Variants in BCKDHB observed in about 807,000 individuals in gnomAD.
BCKDHB encodes the protein 2-oxoisovalerate dehydrogenase subunit beta, mitochondrial.
Under a neutral mutation model 48.5 loss-of-function variants are expected in BCKDHB, and 41 were observed. The observed-to-expected ratio is 0.85, with a 90% CI of 0.66 to 1.10. The LOEUF (loss-of-function observed/expected upper bound fraction) is 1.10, where lower values mean the gene tolerates loss of function less well. Among genes scored for constraint, BCKDHB ranks in the 50% least tolerant of loss-of-function variants. The pLI, the probability that BCKDHB is intolerant of heterozygous loss-of-function variation, is 0.00. For synonymous variants in BCKDHB, 201 were observed against 174.8 expected, an observed-to-expected ratio of 1.15 and a Z score of -1.18; for missense variants, 496 against 494.2, an observed-to-expected ratio of 1.00 and a Z score of -0.03.
chr6:80,287,819 G>A (rs1184986295), intron 9 of BCKDHB, among the ~76,000 whole-genome samples: 10 of 152,270 alleles, frequency 6.6e-5, no homozygotes, highest in South Asian at 6.2e-4. Flanking sequence ...CCCTGTGCAC[G>A]TTCCCTTATC....
the BCKDHB span, among the ~76,000 whole-genome samples, chr6:80,372,253 T>G: frequency 6.6e-6 from 1 of 152,260 alleles, no homozygotes; most frequent in South Asian, 2.1e-4. Flanking sequence ...GTTCTTGATT[T>G]GATTCTCAGC....
At chr6:80,313,654 C>T (rs1280056553) in intron 9 of BCKDHB, among the ~76,000 whole-genome samples, 1 of 152,214 alleles carries the variant, frequency 6.6e-6, no homozygotes, top group Admixed American at 6.5e-5. Flanking sequence ...AGCCACCACA[C>T]CTGGCCTGAG....
At chr6:80,437,557 A>G in the BCKDHB span, among the ~76,000 whole-genome samples, 1 of 152,364 alleles carries the variant, frequency 6.6e-6, no homozygotes, top group Middle Eastern at 3.4e-3. Flanking sequence ...CAAGTTTAGC[A>G]ACAGGGAAGC....
chr6:80,359,214 G>A, the BCKDHB span, among the ~76,000 whole-genome samples: 3 of 152,186 alleles, frequency 2.0e-5, no homozygotes, highest in Admixed American at 6.5e-5. Flanking sequence ...CAGCCTCTCC[G>A]GAGGCAGAGC....
Position 80,106,699 on chromosome 6 carries a change from G to A in BCKDHB, c.6G>A (p.Ala2=), listed in dbSNP as rs2127698622. Residue 2 remains alanine (A), a synonymous_variant, in exon 1 of 10, where the codon GCG becomes GCA. Transcript: ENST00000320393. The part of the protein sequence containing the change: M[A]VVAAAAGWLL... Reference sequence around the variant, plus strand: ...AATCCCGGTGGTGAGCGGGGATGGCGGTTGTAGCGGCGGCTGCCGGCTGGC... The same window carrying A: ...AATCCCGGTGGTGAGCGGGGATGGCAGTTGTAGCGGCGGCTGCCGGCTGGC... The A allele has an allele frequency of 1.3e-6, 2 of 1,556,218 alleles. No individual in the cohort carries two copies. Among genetic ancestry groups the A allele is most frequent in the Non-Finnish European group, 1.7e-6 (2 of 1,150,628 alleles).
chr6:80,355,165 TTAGG>T, the BCKDHB span, among the ~76,000 whole-genome samples: 2 of 151,858 alleles, frequency 1.3e-5, no homozygotes, highest in African/African-American at 4.8e-5. Flanking sequence ...TCATCTACAA[TTAGG>T]TAGGCAGATC....
intron 3 of BCKDHB, among the ~76,000 whole-genome samples, chr6:80,141,946 G>T (rs991933341): frequency 2.0e-5 from 3 of 151,996 alleles, no homozygotes; most frequent in Non-Finnish European, 4.4e-5. Context: ...CTTTAACAGG[G>T]GGAGGAACCC....
the BCKDHB span, among the ~76,000 whole-genome samples, chr6:80,397,280 A>G: frequency 6.6e-6 from 1 of 152,126 alleles, no homozygotes; most frequent in Admixed American, 6.6e-5. Flanking sequence ...TCTTGTGACA[A>G]TCACTTATAT....
Position 80,343,902 on chromosome 6 carries a change from A to C in BCKDHB, c.*98A>C, listed in dbSNP as rs1672401996. 4 of 1,479,188 alleles carry C rather than the reference A, an allele frequency of 2.7e-6. No individual in the cohort carries two copies. The highest frequency in any genetic ancestry group is 3.8e-6 in the Non-Finnish European group (4 of 1,060,490). 91.6% of individuals were successfully genotyped at this position (1,479,188 alleles called of 1,614,324 possible). On this transcript the variant is annotated 3_prime_UTR_variant, in exon 10 of 10. Coordinates refer to ENST00000320393, the MANE Select transcript of BCKDHB (RefSeq NM_183050.4). Reference sequence around the variant, plus strand: ...CAGCAATCATCAGTGTTTTGATGGTAACAAACTTTGATGGTAAAGTTGGTA... The same window carrying C: ...CAGCAATCATCAGTGTTTTGATGGTCACAAACTTTGATGGTAAAGTTGGTA...
intron 9 of BCKDHB, among the ~76,000 whole-genome samples, chr6:80,296,469 A>G (rs1767255568): frequency 6.6e-6 from 1 of 152,222 alleles, no homozygotes; most frequent in Non-Finnish European, 1.5e-5. Flanking sequence ...TTATACAAAT[A>G]CAGTCCAAAG....
In BCKDHB at chr6:80,346,046, C is replaced by T. The variant is rs1300010398; in HGVS notation, c.*2242C>T. On this transcript the variant is annotated 3_prime_UTR_variant, in exon 10 of 10. Transcript: ENST00000320393. ...TTTTTTTTATATTTCCTCCGACTTA[C>T]CTCTTTTTGAAAAGAGAGTTTTTAT... 1 of 152,082 alleles carries T rather than the reference C, an allele frequency of 6.6e-6. No individual in the cohort carries two copies. Among genetic ancestry groups the T allele is most frequent in the Non-Finnish European group, 1.5e-5 (1 of 68,006 alleles). 9.4% of individuals were successfully genotyped at this position (152,082 alleles called of 1,614,324 possible).
chr6:80,201,808 A>ATT (rs1774409634), intron 7 of BCKDHB, among the ~76,000 whole-genome samples: 1 of 152,054 alleles, frequency 6.6e-6, no homozygotes, highest in African/African-American at 2.4e-5. Flanking sequence ...TCTTTTACAG[A>ATT]TATGGTCAGT....
chr6:80,303,784 C>T (rs1767708715), intron 9 of BCKDHB, among the ~76,000 whole-genome samples: 1 of 151,932 alleles, frequency 6.6e-6, no homozygotes. Context: ...TTTATGACAC[C>T]TCTAATTAAC....
chr6:80,189,583 T>G (rs1032910308), intron 6 of BCKDHB, among the ~76,000 whole-genome samples: 11 of 151,866 alleles, frequency 7.2e-5, no homozygotes, highest in African/African-American at 2.4e-4. Flanking sequence ...AATAAGCCCT[T>G]TAGGAGTTTT....
At chr6:80,279,639 CTTCCAGTGTTAT>C (rs1441899611) in intron 9 of BCKDHB, among the ~76,000 whole-genome samples, 2 of 151,830 alleles carry the variant, frequency 1.3e-5, no homozygotes, top group Admixed American at 1.3e-4. Context: ...TCAAACCAGT[CTTCCAGTGTTAT>C]TTCTCACATC....
chr6:80,196,149 G>T (rs1353779476), intron 6 of BCKDHB, among the ~76,000 whole-genome samples: 1 of 152,112 alleles, frequency 6.6e-6, no homozygotes, highest in Non-Finnish European at 1.5e-5. Flanking sequence ...TTCTGCACAA[G>T]TTATTAATAT....
At chr6:80,310,683 C>A (rs1055266560) in intron 9 of BCKDHB, among the ~76,000 whole-genome samples, 2 of 152,196 alleles carry the variant, frequency 1.3e-5, no homozygotes, top group African/African-American at 4.8e-5. Flanking sequence ...GCCACATCAT[C>A]TTCCACAGTG....
intron 8 of BCKDHB, among the ~76,000 whole-genome samples, chr6:80,240,937 C>G (rs527739241): frequency 6.6e-6 from 1 of 152,264 alleles, no homozygotes; most frequent in East Asian, 1.9e-4. Context: ...TTCTTAGAGG[C>G]TTTTTTCGTT....
chr6:80,215,738 A>G lies in BCKDHB; in HGVS notation c.951+12526A>G, dbSNP rs1471674480. Among the ~76,000 whole-genome samples the G allele has an allele frequency of 4.6e-5, 7 of 152,144 alleles. No individual in the cohort carries two copies. In the South Asian group the frequency reaches 1.2e-3, roughly 27 times the overall value. ...TAACTATGGGTTCTGACCTAATGTT[A>G]TATATATATACTTTTTGTTTTTTTG... is the stretch of plus-strand genomic sequence containing the variant. On this transcript the variant is annotated intron_variant, in intron 8 of 9. Transcript: ENST00000320393.
Sources: gnomAD v4.1 joint callset for allele counts (sites outside exome capture counted in the v4.1 genomes callset) on GRCh38, gnomAD v4.1.1 for gene constraint, MANE v1.5 for transcripts, NCBI Gene and HGNC (gene_info 2026-07-23, HGNC 2026-07-21) for gene names.